PARD3B: variants seen among roughly 807,000 people sequenced by gnomAD.
PARD3B encodes the protein partitioning defective 3 homolog B.
PARD3B carries 103 observed loss-of-function variants against 130.2 expected under a neutral mutation model. The observed-to-expected ratio is 0.79, with a 90% CI of 0.67 to 0.93. The LOEUF (loss-of-function observed/expected upper bound fraction) is 0.93, where lower values mean the gene tolerates loss of function less well. PARD3B is among the 40% of genes least tolerant of loss of function. PARD3B has a pLI of 0.00. For missense variants in PARD3B, 1,609 were observed against 1,499.2 expected (o/e 1.07, Z -1.21); for synonymous variants, 583 against 553.2 (o/e 1.05, Z -0.76).
At chr2:204,609,025 A>G (rs1238934258) in intron 1 of PARD3B, among the ~76,000 whole-genome samples, 1 of 152,128 alleles carries the variant, frequency 6.6e-6, no homozygotes, top group Non-Finnish European at 1.5e-5. Context: ...TACTCCTTTT[A>G]AGATTTGCTA....
At chr2:205,312,082 A>G (rs1274280338) in intron 18 of PARD3B, among the ~76,000 whole-genome samples, 1 of 152,162 alleles carries the variant, frequency 6.6e-6, no homozygotes, top group Non-Finnish European at 1.5e-5. Flanking sequence ...TCTGTCATAC[A>G]TTTCTCCTCT....
At chr2:205,124,272 T>C in intron 8 of PARD3B, 55 bp from the exon 9 acceptor site, 4 of 1,340,574 alleles carry the variant, frequency 3.0e-6, no homozygotes, top group Non-Finnish European at 4.0e-6. Context: ...TAAGACTGAA[T>C]ATAATATTAC....
rs144182641 is a variant in PARD3B at position 205,360,891 on chromosome 2, C to G, written c.2631-40122C>G. Among the ~76,000 whole-genome samples, 67 of 152,278 alleles carry G rather than the reference C, an allele frequency of 4.4e-4. No homozygotes were observed. The East Asian group carries it at 0.013, about 29-fold the overall frequency. ...AATCTATTGCAGTTCTTCTTTTCTC[C>G]ACTCAGTCTCATTGGTGTCTTTATT... On this transcript the variant is annotated intron_variant, in intron 18 of 22. Coordinates refer to ENST00000406610, the MANE Select transcript of PARD3B (RefSeq NM_001302769.2).
chr2:204,761,044 G>T (rs1322021800), intron 2 of PARD3B, among the ~76,000 whole-genome samples: 1 of 152,068 alleles, frequency 6.6e-6, no homozygotes, highest in African/African-American at 2.4e-5. Context: ...CCTTTAAAGG[G>T]TTATTATTGC....
At chr2:205,496,759 C>T (rs2049940887) in intron 20 of PARD3B, among the ~76,000 whole-genome samples, 1 of 151,514 alleles carries the variant, frequency 6.6e-6, no homozygotes, top group Non-Finnish European at 1.5e-5. Flanking sequence ...TTTTTTTTTT[C>T]CACCACAAAT....
At chr2:205,102,850 G>A (rs961855191) in intron 4 of PARD3B, among the ~76,000 whole-genome samples, 1 of 152,004 alleles carries the variant, frequency 6.6e-6, no homozygotes, top group African/African-American at 2.4e-5. Context: ...AGATCATGAG[G>A]TCAGGAGATT....
chr2:205,573,957 A>T (rs561252026), intron 22 of PARD3B, among the ~76,000 whole-genome samples: 3 of 152,224 alleles, frequency 2.0e-5, no homozygotes, highest in Non-Finnish European at 2.9e-5. Flanking sequence ...TGATGTCAGT[A>T]TCTGAAAATA....
At chr2:205,045,844 C>T (rs1575628401) in intron 3 of PARD3B, among the ~76,000 whole-genome samples, 1 of 151,730 alleles carries the variant, frequency 6.6e-6, no homozygotes, top group Non-Finnish European at 1.5e-5. Flanking sequence ...CTGCATAAAA[C>T]AATGTAACTA....
At chr2:204,986,469 CT>C (rs1693169684) in intron 3 of PARD3B, among the ~76,000 whole-genome samples, 1 of 152,162 alleles carries the variant, frequency 6.6e-6, no homozygotes, top group Admixed American at 6.5e-5. Flanking sequence ...ATAATCTCTC[CT>C]TGAGCTCTTA....
intron 4 of PARD3B, among the ~76,000 whole-genome samples, chr2:205,093,092 C>T (rs934075784): frequency 2.0e-5 from 3 of 152,044 alleles, no homozygotes; most frequent in Non-Finnish European, 2.9e-5. Flanking sequence ...CTGGCAACTT[C>T]GAATGCAGAG....
chr2:204,671,901 T>C (rs1428911763), intron 1 of PARD3B, among the ~76,000 whole-genome samples: 2 of 152,230 alleles, frequency 1.3e-5, no homozygotes, highest in Non-Finnish European at 2.9e-5. Context: ...TGTGCATGTA[T>C]GCAACTGATA....
At chr2:204,834,116 C>T (rs2043939953) in intron 2 of PARD3B, among the ~76,000 whole-genome samples, 1 of 152,150 alleles carries the variant, frequency 6.6e-6, no homozygotes, top group African/African-American at 2.4e-5. Context: ...ATTTCTTGAC[C>T]TTTCCAACTA....
At position 204,935,146 on chromosome 2, in the gene PARD3B, CT is replaced by C. The variant is rs71032422; in HGVS notation, c.223-29989del. 6.6e-3 allele frequency among the ~76,000 whole-genome samples: 920 copies of C among 138,616 alleles called. 5 individuals are homozygous for C. Among genetic ancestry groups the C allele is most frequent in the East Asian group, 0.022 (106 of 4,810 alleles). 90.9% of individuals were successfully genotyped at this position (138,616 alleles called of 152,430 possible). Reference sequence around the variant, plus strand: ...CTATTTTTCATTCTTGTTTTCCCTACTTTTTTTTTTTTTTTTTACATTTCTC... The same window carrying C: ...CTATTTTTCATTCTTGTTTTCCCTACTTTTTTTTTTTTTTTTACATTTCTC... On this transcript the variant is annotated intron_variant, in intron 2 of 22. Coordinates refer to ENST00000406610, the MANE Select transcript of PARD3B (RefSeq NM_001302769.2).
chr2:205,284,150 GA>G (rs1228102316), intron 16 of PARD3B, among the ~76,000 whole-genome samples: 1 of 152,114 alleles, frequency 6.6e-6, no homozygotes, highest in Admixed American at 6.5e-5. Context: ...GAACAAAGGG[GA>G]AAAAAATTAT....
chr2:204,962,361 TG>T (rs879602231), intron 2 of PARD3B, among the ~76,000 whole-genome samples: 1 of 152,124 alleles, frequency 6.6e-6, no homozygotes, highest in Non-Finnish European at 1.5e-5. Context: ...GAGGTGTCAG[TG>T]GAAGTTCTTC....
chr2:205,453,129 A>G (rs2048161744), intron 20 of PARD3B, among the ~76,000 whole-genome samples: 1 of 152,208 alleles, frequency 6.6e-6, no homozygotes, highest in Admixed American at 6.5e-5. Flanking sequence ...AGAGAGATGC[A>G]GCTGACAATC....
At chr2:204,941,452 G>C (rs1466702935) in intron 2 of PARD3B, among the ~76,000 whole-genome samples, 1 of 152,194 alleles carries the variant, frequency 6.6e-6, no homozygotes, top group Non-Finnish European at 1.5e-5. Context: ...CTGGCTATGA[G>C]TGGCATAAAA....
intron 1 of PARD3B, among the ~76,000 whole-genome samples, chr2:204,620,630 G>T (rs1395245622): frequency 6.6e-6 from 1 of 152,158 alleles, no homozygotes; most frequent in Non-Finnish European, 1.5e-5. Flanking sequence ...AGGTGTTAGA[G>T]TCAAGTCTGA....
chr2:205,014,980 T>C (rs1696018066), intron 3 of PARD3B, among the ~76,000 whole-genome samples: 1 of 152,210 alleles, frequency 6.6e-6, no homozygotes. Flanking sequence ...CCTCACATTA[T>C]GCAGTTGACT....
Sources: allele counts gnomAD v4.1 joint callset (sites outside exome capture counted in the v4.1 genomes callset), GRCh38; gene constraint gnomAD v4.1.1; transcripts MANE v1.5; gene names NCBI Gene and HGNC (gene_info 2026-07-23, HGNC 2026-07-21).